The following TTC13 variants were observed in gnomAD, a reference collection of about 807,000 sequenced individuals.
TTC13 encodes the protein tetratricopeptide repeat domain 13, also known as tetratricopeptide repeat protein 13.
In TTC13, 62 loss-of-function variants were observed where a neutral mutation model predicts 120.0. The observed-to-expected ratio is 0.52, with a 90% CI of 0.42 to 0.64. The LOEUF (loss-of-function observed/expected upper bound fraction) is 0.64. TTC13 is among the 30% of genes least tolerant of loss of function. The pLI, the probability that TTC13 is intolerant of heterozygous loss-of-function variation, is 0.00. For synonymous variants in TTC13, 384 were observed against 393.5 expected, an observed-to-expected ratio of 0.98 and a Z score of 0.28; for missense variants, 824 against 1,050.2, an observed-to-expected ratio of 0.78 and a Z score of 2.98.
intron 14 of TTC13, among the ~76,000 whole-genome samples, chr1:230,924,504 T>A (rs1429498274): frequency 6.6e-6 from 1 of 152,212 alleles, no homozygotes; most frequent in East Asian, 1.9e-4. Context: ...AGCTAATTTT[T>A]TGTATTTTTA....
chr1:230,968,851 C>T lies in TTC13; in HGVS notation c.272-7548G>A, dbSNP rs114055126. ...ACTTTGGGCTTGAGTCAAGTGATTA[C>T]GCTGGAAGCTCTCTAGCATGTAGTT... is the stretch of plus-strand genomic sequence containing the variant. On this transcript the variant is annotated intron_variant, in intron 1 of 22. Coordinates refer to ENST00000366661, the MANE Select transcript of TTC13 (RefSeq NM_024525.5). 6.8e-3 allele frequency among the ~76,000 whole-genome samples: 1,029 copies of T among 152,270 alleles called. 10 individuals carry two copies. The highest frequency in any genetic ancestry group is 0.024 in the African/African-American group (977 of 41,532).
chr1:230,948,814 A>G (rs1409923201), intron 4 of TTC13, among the ~76,000 whole-genome samples: 1 of 151,978 alleles, frequency 6.6e-6, no homozygotes, highest in Non-Finnish European at 1.5e-5. Flanking sequence ...AGAAATCAGA[A>G]TCATTTAATA....
intron 4 of TTC13, among the ~76,000 whole-genome samples, chr1:230,952,429 C>CT (rs1313997879): frequency 2.6e-5 from 4 of 152,200 alleles, no homozygotes; most frequent in Non-Finnish European, 5.9e-5. Context: ...GTTCATTCTT[C>CT]TGCATCTGAA....
chr1:230,929,064 C>A lies in TTC13; in HGVS notation c.1330G>T (p.Asp444Tyr). 6.2e-7 allele frequency: 1 copy of A among 1,614,048 alleles called. No individual in the cohort carries two copies. Among genetic ancestry groups the A allele is most frequent in the East Asian group, 2.2e-5 (1 of 44,882 alleles). Residue 444 changes from aspartate (D) to tyrosine (Y), a missense_variant, in exon 12 of 23, where the codon GAT becomes TAT. By Grantham distance (160) the Asp-to-Tyr change is radical (BLOSUM62 -3). Transcript: ENST00000366661. The stretch of plus-strand genomic sequence containing the variant: ...ATGTTATATTCCGTAAGGGGGGTAT[C>A]AAGGTGTGCATGAAGATATCGAGAA... ...EYSRYLHAHL[D>Y]TPLTEYNIDV...
chr1:230,941,434 T>C (rs1674525261), intron 6 of TTC13, among the ~76,000 whole-genome samples: 1 of 152,206 alleles, frequency 6.6e-6, no homozygotes, highest in Admixed American at 6.5e-5. Context: ...TAGTTTAGGC[T>C]ACAGGGTTGT....
intron 6 of TTC13, among the ~76,000 whole-genome samples, chr1:230,943,390 A>G (rs1674692839): frequency 6.6e-6 from 1 of 152,152 alleles, no homozygotes; most frequent in Non-Finnish European, 1.5e-5. Flanking sequence ...ACCATGGAAT[A>G]CTATGCAGCC....
rs562254993 is a variant in TTC13 at position 230,961,416 on chromosome 1, A to T, written c.272-113T>A. The T allele has an allele frequency of 3.9e-4, 291 of 739,868 alleles. 1 individual carries two copies. The highest frequency in any genetic ancestry group is 1.9e-3 in the African/African-American group (110 of 56,442). The allele number at this position is 739,868 out of a possible 1,614,324, so 45.8% of individuals were successfully genotyped here. ...AGAACCAAAATAAGAACAGGTGTGA[A>T]TAACACTAAAAGTGGCAACCAGCTG... On this transcript the variant is annotated intron_variant, in intron 1 of 22. Coordinates refer to ENST00000366661, the MANE Select transcript of TTC13 (RefSeq NM_024525.5).
chr1:230,928,093 T>A (rs893004911), intron 12 of TTC13, among the ~76,000 whole-genome samples: 1 of 152,200 alleles, frequency 6.6e-6, no homozygotes, highest in Non-Finnish European at 1.5e-5. Context: ...AGCCTGAGCA[T>A]CCTCTTCTTT....
At chr1:230,909,561 G>A (rs1671281112) in intron 20 of TTC13, among the ~76,000 whole-genome samples, 1 of 152,214 alleles carries the variant, frequency 6.6e-6, no homozygotes, top group South Asian at 2.1e-4. Flanking sequence ...GAACCCGGGA[G>A]GCAGAGGTTG....
intron 1 of TTC13, among the ~76,000 whole-genome samples, chr1:230,961,710 G>A (rs1676651267): frequency 6.6e-6 from 1 of 152,166 alleles, no homozygotes; most frequent in African/African-American, 2.4e-5. Flanking sequence ...CTTCCTGGAT[G>A]GTTAAATGAG....
At position 230,924,797 on chromosome 1, in the gene TTC13, CAATGAT is replaced by C. The variant is rs764097519; in HGVS notation, c.1721+38_1721+43del. On this transcript the variant is annotated intron_variant, in intron 14 of 22. Transcript: ENST00000366661. The stretch of plus-strand genomic sequence containing the variant: ...GCTAAAACAGACTGACGTTATTTGA[CAATGAT>C]AAGACTTATAGTTTATTTTCACTGA... The C allele has an allele frequency of 8.6e-5, 139 of 1,610,084 alleles. No individual in the cohort carries two copies. The East Asian group carries it at 3.1e-3, about 36-fold the overall frequency.
chr1:230,911,107 G>A (rs1671455883), intron 20 of TTC13, among the ~76,000 whole-genome samples: 1 of 152,196 alleles, frequency 6.6e-6, no homozygotes, highest in Non-Finnish European at 1.5e-5. Context: ...TGGGTCACCT[G>A]ACAGCCCAAA....
intron 3 of TTC13, 76 bp downstream of exon 3, chr1:230,958,148 T>C: frequency 6.1e-6 from 9 of 1,482,988 alleles, no homozygotes; most frequent in Non-Finnish European, 7.5e-6. Flanking sequence ...CTCCTTACCA[T>C]CCTGTCTTCC....
Position 230,940,622 on chromosome 1 carries a change from G to T in TTC13, c.673-66C>A. On this transcript the variant is annotated intron_variant, in intron 6 of 22. Coordinates refer to ENST00000366661, the MANE Select transcript of TTC13 (RefSeq NM_024525.5). The surrounding 1 kb of genome is among the most constrained non-coding windows in gnomAD (Gnocchi z 4.1). ...CCAACCCTAAAATCCCAATGTTTTT[G>T]ACTCTTCAATTCCACCTCACCATAC... 1.9e-6 allele frequency: 2 copies of T among 1,046,728 alleles called. No homozygotes were observed. Among genetic ancestry groups the T allele is most frequent in the Non-Finnish European group, 3.0e-6 (2 of 677,816 alleles). 64.8% of individuals were successfully genotyped at this position (1,046,728 alleles called of 1,614,324 possible).
chr1:230,911,448 T>C (rs535389342), intron 20 of TTC13, 22 bp downstream of exon 20: 16 of 1,509,556 alleles, frequency 1.1e-5, no homozygotes, highest in Non-Finnish European at 1.4e-5. Context: ...TAAAATAATT[T>C]TAATGACAGG....
chr1:230,909,146 G>GA, intron 20 of TTC13, 126 bp from the exon 21 acceptor site: 2 of 737,654 alleles, frequency 2.7e-6, no homozygotes, highest in Non-Finnish European at 4.5e-6. Context: ...ATAAAACACC[G>GA]AATGTTTCAT....
Position 230,931,343 on chromosome 1 carries a change from C to T in TTC13, c.1255G>A (p.Gly419Ser). ...AGATACTCAGGGCTAGCCTTCTGGC[C>T]TGGGAGAGGATCATTCAGCATAACT... ...TKVMLNDPLP[G>S]QKASPEYLKV... The change falls in exon 11 of 23, where the codon GGC becomes AGC. Residue 419 changes from glycine (G) to serine (S), a missense_variant. Gly to Ser is a moderately conservative substitution (Grantham distance 56). Coordinates refer to ENST00000366661, the MANE Select transcript of TTC13 (RefSeq NM_024525.5). 1.2e-6 allele frequency: 2 copies of T among 1,614,150 alleles called. No individual in the cohort carries two copies. Among genetic ancestry groups the T allele is most frequent in the African/African-American group, 1.3e-5 (1 of 75,042 alleles).
At chr1:230,973,393 T>G (rs1275667145) in intron 1 of TTC13, among the ~76,000 whole-genome samples, 1 of 152,238 alleles carries the variant, frequency 6.6e-6, no homozygotes, top group African/African-American at 2.4e-5. Flanking sequence ...CATAGCTACT[T>G]CCTTATTTTT....
intron 15 of TTC13, among the ~76,000 whole-genome samples, chr1:230,922,216 G>A (rs1572195431): frequency 6.6e-6 from 1 of 152,232 alleles, no homozygotes; most frequent in Non-Finnish European, 1.5e-5. Flanking sequence ...AGGGAAGGTG[G>A]CCTTCCTCTA....
Sources: allele counts gnomAD v4.1 joint callset (sites outside exome capture counted in the v4.1 genomes callset), GRCh38; gene constraint gnomAD v4.1.1; non-coding constraint Gnocchi (gnomAD v3.1); transcripts MANE v1.5; gene names NCBI Gene and HGNC (gene_info 2026-07-23, HGNC 2026-07-21).